Variants in DIS3L observed in about 807,000 individuals in gnomAD.
DIS3L encodes the protein DIS3 like exosome 3'-5' exoribonuclease.
In DIS3L, 100 loss-of-function variants were observed where a neutral mutation model predicts 120.3. The ratio of observed to expected loss-of-function variants is 0.83; its 90% CI spans 0.71 to 0.98. The LOEUF is 0.98. DIS3L is among the 50% of genes least tolerant of loss of function. DIS3L has a pLI of 0.00. For missense variants in DIS3L, 1,196 were observed against 1,314.2 expected, an observed-to-expected ratio of 0.91 and a Z score of 1.39; for synonymous variants, 426 against 470.6, an observed-to-expected ratio of 0.91 and a Z score of 1.23.
Position 66,326,270 on chromosome 15 carries a change from C to G in DIS3L, c.2107C>G (p.Gln703Glu), listed in dbSNP as rs765196195. The G allele has an allele frequency of 5.0e-6, 8 of 1,614,004 alleles. No homozygotes were observed. The highest frequency in any genetic ancestry group is 1.3e-5 in the African/African-American group (1 of 74,920). ...AAAGATCTGGGAGAGCTTCCCTCAT[C>G]AGGCCTTGCTGCGCCAGCACCCTCC... ...AKKIWESFPHQALLRQHPPPH... is the reference protein window; with the variant it reads ...AKKIWESFPHEALLRQHPPPH... Residue 703 changes from glutamine (Q) to glutamate (E), a missense_variant, in exon 12 of 17, where the codon CAG becomes GAG. Physicochemically the swap from Gln to Glu is conservative, Grantham distance 29. Transcript: ENST00000319212.
chr15:66,309,444 T>G (rs1295494484), intron 4 of DIS3L, among the ~76,000 whole-genome samples: 1 of 152,064 alleles, frequency 6.6e-6, no homozygotes, highest in African/African-American at 2.4e-5. Context: ...TTGAATAAAA[T>G]TGCCAATATT....
chr15:66,329,620 T>G (rs1024660504), intron 14 of DIS3L: 1 of 1,247,452 alleles, frequency 8.0e-7, no homozygotes, highest in African/African-American at 1.5e-5. Flanking sequence ...AAGGTGGAAA[T>G]GTAAAGATTC....
In DIS3L at chr15:66,331,596, T is replaced by C. The variant is rs983504668; in HGVS notation, c.2536-279T>C. On this transcript the variant is annotated intron_variant, in intron 14 of 16. Coordinates refer to ENST00000319212, the MANE Select transcript of DIS3L (RefSeq NM_001143688.3). ...ATGCAAGTAAGACATGTGTAATACTTTTCCTGTACCCAAGGTGAACATGAC... is the reference window on the plus strand; with the variant it reads ...ATGCAAGTAAGACATGTGTAATACTCTTCCTGTACCCAAGGTGAACATGAC... The C allele has an allele frequency of 4.3e-5, 10 of 231,400 alleles. No homozygotes were observed. In the East Asian group the frequency reaches 7.3e-4, roughly 17 times the overall value. 14.3% of individuals were successfully genotyped at this position (231,400 alleles called of 1,614,324 possible).
In DIS3L at chr15:66,315,144, C is replaced by A. The variant is rs1282342628; in HGVS notation, c.923C>A (p.Thr308Asn). Residue 308 changes from threonine to asparagine, a missense_variant, in exon 7 of 17, where the codon ACC becomes AAC. Physicochemically the swap from Thr to Asn is moderately conservative, Grantham distance 65. Transcript: ENST00000319212. ...LLPKNEWKGRTVALCENDCDD... is the reference protein window; with the variant it reads ...LLPKNEWKGRNVALCENDCDD... ...CCTAAAAATGAATGGAAAGGAAGAACCGTAGCCCTGTGTGAGAATGACTGT... is the reference window on the plus strand; with the variant it reads ...CCTAAAAATGAATGGAAAGGAAGAAACGTAGCCCTGTGTGAGAATGACTGT... 6.2e-7 allele frequency: 1 copy of A among 1,613,910 alleles called. No homozygotes were observed. The highest frequency in any genetic ancestry group is 2.2e-5 in the East Asian group (1 of 44,884).
intron 10 of DIS3L, among the ~76,000 whole-genome samples, chr15:66,323,192 T>C (rs866000443): frequency 2.6e-5 from 4 of 152,246 alleles, no homozygotes; most frequent in Non-Finnish European, 5.9e-5. Flanking sequence ...TGTAGTAATA[T>C]ACTATTTTTT....
intron 11 of DIS3L, among the ~76,000 whole-genome samples, chr15:66,325,525 A>G (rs1233711823): frequency 1.3e-5 from 2 of 152,212 alleles, no homozygotes; most frequent in East Asian, 3.8e-4. Context: ...ATTTAGTTGT[A>G]AGGTGGTTGG....
In DIS3L at chr15:66,293,575, G is replaced by A. The variant is rs1036418729; in HGVS notation, c.-22G>A. ...GCCTCCGCCGCGCCCGCCACTCCGC[G>A]GCCGCCGGGAGACACGCCGCCATGC... On this transcript the variant is annotated 5_prime_UTR_variant, in exon 1 of 17. Transcript: ENST00000319212. 8.5e-6 allele frequency: 12 copies of A among 1,418,630 alleles called. No homozygotes were observed. The highest frequency in any genetic ancestry group is 3.0e-5 in the African/African-American group (2 of 66,716). 87.9% of individuals were successfully genotyped at this position (1,418,630 alleles called of 1,614,324 possible).
intron 12 of DIS3L, among the ~76,000 whole-genome samples, chr15:66,327,781 G>A (rs1003917746): frequency 6.6e-6 from 1 of 152,082 alleles, no homozygotes; most frequent in Non-Finnish European, 1.5e-5. Flanking sequence ...CTAAGTATAG[G>A]CTGGGTACAG....
Position 66,333,301 on chromosome 15 carries a change from T to G in DIS3L, c.3154T>G (p.Tyr1052Asp). ...DLALLDVSNN[Y>D]GI ...AGCTCTCCTGGATGTTTCAAACAAT[T>G]ATGGAATATGAGAGGCTCTTACTTC... is the stretch of plus-strand genomic sequence containing the variant. Residue 1052 changes from tyrosine (Y) to aspartate (D), a missense_variant, in exon 17 of 17, where the codon TAT becomes GAT. Transcript: ENST00000319212. 6.3e-7 allele frequency: 1 copy of G among 1,599,520 alleles called. No homozygotes were observed. The highest frequency in any genetic ancestry group is 8.5e-7 in the Non-Finnish European group (1 of 1,175,128).
In DIS3L at chr15:66,314,106, GT is replaced by G; in HGVS notation, c.804del (p.Ser268ArgfsTer6). The G allele has an allele frequency of 6.6e-7, 1 of 1,517,988 alleles. No homozygotes were observed. Among genetic ancestry groups the G allele is most frequent in the Non-Finnish European group, 8.8e-7 (1 of 1,139,748 alleles). 94.0% of individuals were successfully genotyped at this position (1,517,988 alleles called of 1,614,324 possible). A position where few individuals can be genotyped will look rare whatever the true frequency, so the allele number is the denominator to read the frequency against. ...TTTGTTCGACTTCAAGGAGCCAGCA[GT>G]AAAGATTCAGGTTCAGTATAAACCT... is the stretch of plus-strand genomic sequence containing the variant. ...EAFVRLQGAS[S>X]KDSDLVSDIL... On this transcript the variant is annotated frameshift_variant, in exon 6 of 17. Coordinates refer to ENST00000319212, the MANE Select transcript of DIS3L (RefSeq NM_001143688.3). LOFTEE classifies it high-confidence loss of function.
Position 66,305,241 on chromosome 15 carries a change from C to G in DIS3L, c.294-1583C>G, listed in dbSNP as rs1034093210. Among the ~76,000 whole-genome samples the G allele has an allele frequency of 2.6e-5, 4 of 152,080 alleles. No homozygotes were observed. The East Asian group carries it at 7.8e-4, about 30-fold the overall frequency. On this transcript the variant is annotated intron_variant, in intron 2 of 16. Coordinates refer to ENST00000319212, the MANE Select transcript of DIS3L (RefSeq NM_001143688.3). ...GGTCTCGATCTCCTGACCTCGTGAT[C>G]CTCCTGCCTCGCCTCCCAAAGTGCT...
Position 66,326,625 on chromosome 15 carries a change from G to GTC in DIS3L, c.2201+262_2201+263insCT, listed in dbSNP as rs2092941595. ...GATAGAGTCTTGCTCTGTCACCCAG[G>GTC]TTGGAGTACAGTGGTATGATCTCGG... On this transcript the variant is annotated intron_variant, in intron 12 of 16. Transcript: ENST00000319212. 103 of 382,268 alleles carry GTC rather than the reference G, an allele frequency of 2.7e-4. 1 individual carries two copies. The East Asian group carries it at 5.8e-3, about 21-fold the overall frequency. The allele number at this position is 382,268 out of a possible 1,614,324, so 23.7% of individuals were successfully genotyped here. A position where few individuals can be genotyped will look rare whatever the true frequency, so the allele number is the denominator to read the frequency against.
intron 2 of DIS3L, among the ~76,000 whole-genome samples, chr15:66,305,180 T>G (rs2092691978): frequency 1.3e-5 from 2 of 151,500 alleles, no homozygotes; most frequent in South Asian, 4.2e-4. Context: ...TTTTGTATTT[T>G]TAGTAGAGAC....
chr15:66,296,555 C>T (rs1232662320), intron 2 of DIS3L, among the ~76,000 whole-genome samples: 7 of 146,154 alleles, frequency 4.8e-5, no homozygotes, highest in Admixed American at 1.4e-4. Context: ...CTGGCTCTGT[C>T]GCCCAGGCTA....
Position 66,295,154 on chromosome 15 carries a change from C to T in DIS3L, c.293+13C>T, listed in dbSNP as rs1595708063. On this transcript the variant is annotated intron_variant, in intron 2 of 16. Transcript: ENST00000319212. The stretch of plus-strand genomic sequence containing the variant: ...AAAGAGGCAGGAGGTATACGTTTTG[C>T]ATTCTTTATTTCTATATGGCATAGG... The T allele has an allele frequency of 6.2e-7, 1 of 1,611,154 alleles. No homozygotes were observed. Among genetic ancestry groups the T allele is most frequent in the Non-Finnish European group, 8.5e-7 (1 of 1,178,592 alleles).
upstream of DIS3L, chr15:66,293,358 C>T (rs1051903035): frequency 3.2e-6 from 2 of 617,838 alleles, no homozygotes; most frequent in African/African-American, 2.0e-5. Flanking sequence ...GTCTTCCCTC[C>T]GTCTCTGGGG....
chr15:66,307,048 C>G, intron 3 of DIS3L, 96 bp downstream of exon 3: 1 of 1,471,710 alleles, frequency 6.8e-7, no homozygotes, highest in Non-Finnish European at 9.2e-7. Context: ...TCTGCTAGAA[C>G]AAACCAACAA....
chr15:66,326,044 G>A lies in DIS3L; in HGVS notation c.1881G>A (p.Trp627Ter). 6.2e-7 allele frequency: 1 copy of A among 1,614,084 alleles called. No homozygotes were observed. Among genetic ancestry groups the A allele is most frequent in the African/African-American group, 1.3e-5 (1 of 75,062 alleles). ...SRQAKLEELV[W>*]AIGKLTDIAR... ...AAGCCAAGCTGGAGGAGTTGGTGTG[G>A]GCAATTGGAAAGCTGACCGACATAG... Residue 627 changes from tryptophan (W) to a stop codon, truncating the protein, a stop_gained, in exon 12 of 17, where the codon TGG becomes TGA. Coordinates refer to ENST00000319212, the MANE Select transcript of DIS3L (RefSeq NM_001143688.3). LOFTEE classifies it high-confidence loss of function.
At chr15:66,301,443 G>A (rs1169897063) in intron 2 of DIS3L, among the ~76,000 whole-genome samples, 4 of 151,512 alleles carry the variant, frequency 2.6e-5, no homozygotes, top group Non-Finnish European at 4.4e-5. Flanking sequence ...ATCATGCCTC[G>A]CTAATTTTTG....
Sources: allele counts gnomAD v4.1 joint callset (sites outside exome capture counted in the v4.1 genomes callset), GRCh38; gene constraint gnomAD v4.1.1; transcripts MANE v1.5; gene names NCBI Gene and HGNC (gene_info 2026-07-23, HGNC 2026-07-21).